Variants in NF1 observed in about 807,000 individuals in gnomAD.
NF1 encodes neurofibromin 1.
A neutral mutation model predicts 325.7 loss-of-function variants in NF1; 122 were observed. That is an observed-to-expected ratio of 0.37 (90% CI 0.32 to 0.44). NF1 has a LOEUF of 0.44. Among genes scored for constraint, NF1 ranks in the 20% least tolerant of loss-of-function variants. The probability of loss-of-function intolerance (pLI) is 1.00; values close to 1 mark genes in which losing one functional copy is unlikely to be tolerated. For synonymous variants in NF1, 1,091 were observed against 1,186.0 expected, an observed-to-expected ratio of 0.92 and a Z score of 1.65; for missense variants, 2,140 against 3,415.4, an observed-to-expected ratio of 0.63 and a Z score of 9.31.
chr17:31,162,349 C>T (rs1192661163), intron 3 of NF1, among the ~76,000 whole-genome samples: 10 of 151,480 alleles, frequency 6.6e-5, no homozygotes, highest in Non-Finnish European at 8.8e-5. Flanking sequence ...TGGTGGCGGG[C>T]GCCTGTAATC....
At chr17:31,223,055 G>A (rs1248510630) in intron 15 of NF1, among the ~76,000 whole-genome samples, 1 of 152,186 alleles carries the variant, frequency 6.6e-6, no homozygotes, top group Non-Finnish European at 1.5e-5. Context: ...ACAATAGCAA[G>A]TGATAGGCTA....
intron 36 of NF1, among the ~76,000 whole-genome samples, chr17:31,306,619 A>G (rs553397190): frequency 6.6e-6 from 1 of 152,218 alleles, no homozygotes; most frequent in Non-Finnish European, 1.5e-5. Flanking sequence ...TTATGTTAAT[A>G]TTGCATATTT....
intron 12 of NF1, among the ~76,000 whole-genome samples, chr17:31,214,158 A>G (rs1409224051): frequency 6.6e-6 from 1 of 152,094 alleles, no homozygotes; most frequent in Non-Finnish European, 1.5e-5. Flanking sequence ...ATAGTTTTTT[A>G]CATAGATGTT....
In NF1 at chr17:31,375,727, A is replaced by G. The variant is rs2070722609; in HGVS notation, c.*1572A>G. 4.3e-6 allele frequency: 1 copy of G among 232,732 alleles called. No homozygotes were observed. Among genetic ancestry groups the G allele is most frequent in the East Asian group, 6.1e-5 (1 of 16,372 alleles). The allele number at this position is 232,732 out of a possible 1,614,324, so 14.4% of individuals were successfully genotyped here. On this transcript the variant is annotated 3_prime_UTR_variant, in exon 58 of 58. Coordinates refer to ENST00000358273, the MANE Select transcript of NF1 (RefSeq NM_001042492.3). Reference sequence around the variant, plus strand: ...AATTCCACAGCTAATTCAATAAATAATGGTACATTTAAGTGTTCTGATTTT... The same window carrying G: ...AATTCCACAGCTAATTCAATAAATAGTGGTACATTTAAGTGTTCTGATTTT...
rs1597847244 is a variant in NF1 at position 31,339,850 on chromosome 17, G to T, written c.6922-655G>T. On this transcript the variant is annotated intron_variant, in intron 46 of 57. Transcript: ENST00000358273. ...AAGACAGTTTAAAATAAAGTTAAAG[G>T]GAAACATAGGAGTTAATGTAGGTAG... Among the ~76,000 whole-genome samples, 3 of 152,230 alleles carry T rather than the reference G, an allele frequency of 2.0e-5. No individual in the cohort carries two copies. The South Asian group carries it at 6.2e-4, about 32-fold the overall frequency.
At chr17:31,260,620 T>A in intron 34 of NF1, 105 bp downstream of exon 34, 1 of 1,309,268 alleles carries the variant, frequency 7.6e-7, no homozygotes, top group Non-Finnish European at 1.1e-6. Flanking sequence ...CTTCTTGGAC[T>A]AAGAATTATG....
chr17:31,152,940 G>A (rs974930241), intron 1 of NF1, among the ~76,000 whole-genome samples: 10 of 151,654 alleles, frequency 6.6e-5, no homozygotes, highest in Admixed American at 5.9e-4. Flanking sequence ...TTTCTGAATT[G>A]GTAGGAGGGA....
chr17:31,290,829 A>T (rs1016698186), intron 36 of NF1, among the ~76,000 whole-genome samples: 26 of 152,146 alleles, frequency 1.7e-4, no homozygotes, highest in Non-Finnish European at 5.9e-5. Flanking sequence ...AACATGGTGA[A>T]ACCTGATCTC....
intron 1 of NF1, among the ~76,000 whole-genome samples, chr17:31,103,394 C>G (rs1482270940): frequency 6.6e-6 from 1 of 152,144 alleles, no homozygotes; most frequent in East Asian, 1.9e-4. Context: ...AGGCGTGTGC[C>G]ACCACACCCA....
intron 27 of NF1, among the ~76,000 whole-genome samples, chr17:31,234,138 G>C (rs138088964): frequency 9.9e-5 from 15 of 152,252 alleles, no homozygotes; most frequent in African/African-American, 3.6e-4. Flanking sequence ...CCCTCTAACA[G>C]ATTTTTAAGT....
chr17:31,134,656 G>C (rs1030444690), intron 1 of NF1, among the ~76,000 whole-genome samples: 2 of 152,288 alleles, frequency 1.3e-5, no homozygotes, highest in South Asian at 2.1e-4. Flanking sequence ...GGCTTGACTG[G>C]GGGTAGAGCA....
rs2151553126 is a variant in NF1 at position 31,336,326 on chromosome 17, C to T, written c.6007-7C>T. ...TTAAAAACATGTTATTTTCCTTCTT[C>T]AACTAGATTACAGATCTGCTTGATG... is the stretch of plus-strand genomic sequence containing the variant. On this transcript the variant is annotated splice_polypyrimidine_tract_variant and splice_region_variant and intron_variant, in intron 40 of 57. Coordinates refer to ENST00000358273, the MANE Select transcript of NF1 (RefSeq NM_001042492.3). This position sits in a 1 kb window ranked among gnomAD's most constrained non-coding sequence, Gnocchi z 5.5. 1 of 1,613,658 alleles carries T rather than the reference C, an allele frequency of 6.2e-7. No homozygotes were observed. The highest frequency in any genetic ancestry group is 1.7e-4 in the Middle Eastern group (1 of 6,060).
chr17:31,356,916 A>G (rs1597866233), intron 52 of NF1, 44 bp from the exon 53 acceptor site: 1 of 1,611,954 alleles, frequency 6.2e-7, no homozygotes, highest in Non-Finnish European at 8.5e-7. Flanking sequence ...AGGTGAAGTG[A>G]TTATCCAGGT....
intron 36 of NF1, chr17:31,278,062 A>C (rs1381107062): frequency 6.6e-6 from 1 of 152,176 alleles, no homozygotes; most frequent in Non-Finnish European, 1.5e-5. Context: ...CAGAAATTCA[A>C]GGCTACAGTG....
intron 12 of NF1, among the ~76,000 whole-genome samples, chr17:31,208,666 G>A (rs561447377): frequency 1.5e-4 from 23 of 152,104 alleles, no homozygotes; most frequent in Non-Finnish European, 2.8e-4. Flanking sequence ...CAAGGTGTGC[G>A]GATCACCTGA....
rs1244626246 is a variant in NF1 at position 31,375,279 on chromosome 17, C to G, written c.*1124C>G. 1.8e-5 allele frequency: 4 copies of G among 227,414 alleles called. No individual in the cohort carries two copies. The highest frequency in any genetic ancestry group is 8.9e-5 in the African/African-American group (4 of 44,984). The allele number at this position is 227,414 out of a possible 1,614,324, so 14.1% of individuals were successfully genotyped here. ...TTTTGAATGTCTTTTAATCTTCCTCCTCCTCTCCAAAAAAATCAGAAACCT... is the reference window on the plus strand; with the variant it reads ...TTTTGAATGTCTTTTAATCTTCCTCGTCCTCTCCAAAAAAATCAGAAACCT... On this transcript the variant is annotated 3_prime_UTR_variant, in exon 58 of 58. Coordinates refer to ENST00000358273, the MANE Select transcript of NF1 (RefSeq NM_001042492.3).
intron 16 of NF1, among the ~76,000 whole-genome samples, chr17:31,224,365 T>C (rs990979045): frequency 6.6e-6 from 1 of 152,220 alleles, no homozygotes; most frequent in Non-Finnish European, 1.5e-5. Flanking sequence ...ACTAGAAGCA[T>C]AGCTGTGAAA....
At chr17:31,229,732 G>T in intron 21 of NF1, 103 bp from the exon 22 acceptor site, 1 of 1,429,378 alleles carries the variant, frequency 7.0e-7, no homozygotes. Context: ...ATGCCTGTGG[G>T]TGCACTTACT....
chr17:31,355,057 A>T (rs1258453206), intron 51 of NF1, among the ~76,000 whole-genome samples: 2 of 152,244 alleles, frequency 1.3e-5, no homozygotes, highest in African/African-American at 4.8e-5. Flanking sequence ...CTATGAGTAT[A>T]TATCTAAGAG....
Sources: gnomAD v4.1 joint callset for allele counts (sites outside exome capture counted in the v4.1 genomes callset) on GRCh38, gnomAD v4.1.1 for gene constraint, Gnocchi (gnomAD v3.1) non-coding constraint, MANE v1.5 for transcripts, NCBI Gene and HGNC (gene_info 2026-07-23, HGNC 2026-07-21) for gene names.